EPHA6: variants seen among roughly 807,000 people sequenced by gnomAD.
EPHA6 encodes ephrin type-A receptor 6.
In EPHA6, 50 loss-of-function variants were observed where a neutral mutation model predicts 112.0. The observed-to-expected ratio is 0.45, with a 90% CI of 0.36 to 0.56. The LOEUF (loss-of-function observed/expected upper bound fraction) is 0.56, where lower values mean the gene tolerates loss of function less well. EPHA6 is among the 20% of genes least tolerant of loss of function. The pLI, the probability that EPHA6 is intolerant of heterozygous loss-of-function variation, is 0.00. For missense variants in EPHA6, 1,280 were observed against 1,417.4 expected, an observed-to-expected ratio of 0.90 and a Z score of 1.56; for synonymous variants, 529 against 490.7, an observed-to-expected ratio of 1.08 and a Z score of -1.03.
chr3:97,190,735 G>A (rs111243682), intron 3 of EPHA6, among the ~76,000 whole-genome samples: 8,804 of 151,998 alleles, frequency 0.058, 852 homozygotes, highest in African/African-American at 0.2. Flanking sequence ...GGGGAGCGGG[G>A]AGGGATAGCA....
intron 11 of EPHA6, among the ~76,000 whole-genome samples, chr3:97,570,598 C>T (rs915281876): frequency 6.6e-6 from 1 of 151,956 alleles, no homozygotes; most frequent in African/African-American, 2.4e-5. Flanking sequence ...GGCATGGTGG[C>T]AGGCACCTGT....
intron 5 of EPHA6, among the ~76,000 whole-genome samples, chr3:97,254,818 C>T (rs1005043169): frequency 5.3e-5 from 8 of 152,148 alleles, no homozygotes; most frequent in African/African-American, 1.9e-4. Context: ...CTAAAACCTT[C>T]CTGCAACCAG....
chr3:97,104,526 G>A (rs1025605212), intron 3 of EPHA6, among the ~76,000 whole-genome samples: 1 of 152,056 alleles, frequency 6.6e-6, no homozygotes, highest in South Asian at 2.1e-4. Context: ...GCTTTTTGAT[G>A]TGCTACTGGA....
intron 3 of EPHA6, among the ~76,000 whole-genome samples, chr3:97,111,044 A>G (rs2047709066): frequency 6.6e-6 from 1 of 152,140 alleles, no homozygotes; most frequent in African/African-American, 2.4e-5. Context: ...GAAAAGGTTT[A>G]AAAAGAGCTT....
intron 14 of EPHA6, among the ~76,000 whole-genome samples, chr3:97,677,528 C>A (rs1473550570): frequency 6.6e-6 from 1 of 151,742 alleles, no homozygotes; most frequent in Non-Finnish European, 1.5e-5. Flanking sequence ...CAAGACCAGA[C>A]TAGCCAACAT....
At chr3:97,648,909 C>T (rs765370045) in intron 14 of EPHA6, among the ~76,000 whole-genome samples, 13 of 152,040 alleles carry the variant, frequency 8.6e-5, no homozygotes, top group African/African-American at 1.7e-4. Context: ...AGATACAATA[C>T]GTGGTAAAAT....
chr3:96,927,616 AT>A (rs2040106155), intron 2 of EPHA6, among the ~76,000 whole-genome samples: 1 of 151,932 alleles, frequency 6.6e-6, no homozygotes, highest in Admixed American at 6.5e-5. Context: ...GTTCCCAATA[AT>A]TTTCTCATCT....
At chr3:97,680,950 AC>A (rs1466392696) in intron 14 of EPHA6, among the ~76,000 whole-genome samples, 7 of 152,160 alleles carry the variant, frequency 4.6e-5, no homozygotes, top group African/African-American at 1.7e-4. Flanking sequence ...TCTATCACAC[AC>A]AAGCATAGGA....
At chr3:97,439,600 A>T in intron 6 of EPHA6, 1 of 1,005,548 alleles carries the variant, frequency 9.9e-7, no homozygotes, top group Non-Finnish European at 1.2e-6. Flanking sequence ...CACAATGGAG[A>T]ATCCAAGGCA....
intron 2 of EPHA6, among the ~76,000 whole-genome samples, chr3:96,983,151 T>C (rs908880428): frequency 6.6e-6 from 1 of 152,216 alleles, no homozygotes; most frequent in Non-Finnish European, 1.5e-5. Context: ...CTAGCCTCGA[T>C]GGTCTTTACA....
At chr3:96,914,488 T>G (rs1160863801) in intron 2 of EPHA6, among the ~76,000 whole-genome samples, 1 of 152,166 alleles carries the variant, frequency 6.6e-6, no homozygotes, top group Non-Finnish European at 1.5e-5. Flanking sequence ...TATTTTGGTT[T>G]TCAAAAAGGC....
Position 97,217,520 on chromosome 3 carries a change from C to T in EPHA6, c.1115-8744C>T, listed in dbSNP as rs370895987. ...GTCAAATAGTAGTTTTTTACAAGAC[C>T]GAGGTATGTGCTGCTTCCAAGAAAC... On this transcript the variant is annotated intron_variant, in intron 3 of 17. Transcript: ENST00000389672. Among the ~76,000 whole-genome samples, 139 of 152,006 alleles carry T rather than the reference C, an allele frequency of 9.1e-4. 1 individual carries two copies. Among genetic ancestry groups the T allele is most frequent in the African/African-American group, 3.1e-3 (128 of 41,472 alleles).
At chr3:96,952,567 G>T (rs1391870323) in intron 2 of EPHA6, among the ~76,000 whole-genome samples, 2 of 152,038 alleles carry the variant, frequency 1.3e-5, no homozygotes, top group African/African-American at 2.4e-5. Flanking sequence ...TTGCTTCCAT[G>T]CTCCAAAATT....
intron 5 of EPHA6, among the ~76,000 whole-genome samples, chr3:97,387,014 A>G (rs2086107467): frequency 6.6e-6 from 1 of 152,178 alleles, no homozygotes; most frequent in African/African-American, 2.4e-5. Context: ...AGTCATGATG[A>G]AGAGCACCAT....
At chr3:97,670,522 G>T (rs566530746) in intron 14 of EPHA6, among the ~76,000 whole-genome samples, 8 of 152,232 alleles carry the variant, frequency 5.3e-5, no homozygotes, top group Middle Eastern at 3.4e-3. Context: ...AGGCTAACCT[G>T]TTGAATTTAT....
intron 5 of EPHA6, among the ~76,000 whole-genome samples, chr3:97,343,763 G>C (rs746003029): frequency 6.6e-5 from 10 of 152,178 alleles, no homozygotes; most frequent in Non-Finnish European, 1.3e-4. Context: ...GTGACTTGGA[G>C]ATCATCAGGG....
In EPHA6 at chr3:96,842,043, C is replaced by A. The variant is rs1426843955; in HGVS notation, c.386-24782C>A. 2.6e-5 allele frequency among the ~76,000 whole-genome samples: 4 copies of A among 152,008 alleles called. No homozygotes were observed. In the South Asian group the frequency reaches 8.3e-4, roughly 32 times the overall value. ...CACCTGTGTTGCAGCTGCCACGAAGCCAGGAGAGGAAATACCTACCCTTCT... is the reference window on the plus strand; with the variant it reads ...CACCTGTGTTGCAGCTGCCACGAAGACAGGAGAGGAAATACCTACCCTTCT... On this transcript the variant is annotated intron_variant, in intron 1 of 17. Coordinates refer to ENST00000389672, the MANE Select transcript of EPHA6 (RefSeq NM_001080448.3).
chr3:97,257,294 T>C (rs965333058), intron 5 of EPHA6, among the ~76,000 whole-genome samples: 16 of 151,764 alleles, frequency 1.1e-4, no homozygotes, highest in Admixed American at 3.9e-4. Flanking sequence ...ATTTCATACA[T>C]CAAAATTTAT....
intron 10 of EPHA6, among the ~76,000 whole-genome samples, chr3:97,529,827 G>A (rs1218522608): frequency 1.3e-5 from 2 of 151,986 alleles, no homozygotes; most frequent in African/African-American, 2.4e-5. Context: ...TGCAAAGCTT[G>A]ACATGAAGAA....
Sources: allele counts gnomAD v4.1 joint callset (sites outside exome capture counted in the v4.1 genomes callset), GRCh38; gene constraint gnomAD v4.1.1; transcripts MANE v1.5; gene names NCBI Gene and HGNC (gene_info 2026-07-23, HGNC 2026-07-21).